Variants in ADCK1 observed in about 807,000 individuals in gnomAD.
ADCK1 encodes aarF domain-containing protein kinase 1.
A neutral mutation model predicts 52.3 loss-of-function variants in ADCK1; 41 were observed. The ratio of observed to expected loss-of-function variants is 0.78; its 90% CI spans 0.61 to 1.02. The LOEUF is 1.02. Ranked by LOEUF, ADCK1 falls within the 50% of genes least tolerant of loss-of-function variation. The probability of loss-of-function intolerance (pLI) is 0.00; values close to 1 mark genes in which losing one functional copy is unlikely to be tolerated. For missense variants in ADCK1, 658 were observed against 679.5 expected (o/e 0.97, Z 0.35); for synonymous variants, 250 against 274.6 (o/e 0.91, Z 0.89).
At chr14:77,836,186 C>T (rs1280167483) in intron 3 of ADCK1, among the ~76,000 whole-genome samples, 4 of 152,252 alleles carry the variant, frequency 2.6e-5, no homozygotes, top group Non-Finnish European at 5.9e-5. Context: ...TCTGACTCTT[C>T]TACCTTCCAT....
intron 3 of ADCK1, among the ~76,000 whole-genome samples, chr14:77,856,217 A>G (rs2082414335): frequency 6.6e-6 from 1 of 152,224 alleles, no homozygotes; most frequent in African/African-American, 2.4e-5. Context: ...GTCCAGAAAA[A>G]AGAAATTTGG....
At chr14:77,858,624 A>G (rs1220475623) in intron 3 of ADCK1, among the ~76,000 whole-genome samples, 1 of 152,166 alleles carries the variant, frequency 6.6e-6, no homozygotes, top group Non-Finnish European at 1.5e-5. Context: ...TGTGAAGATT[A>G]AAAGATACCA....
rs1233230529 is a variant in ADCK1 at position 77,813,292 on chromosome 14, G to C, written c.-11-5676G>C. ...ACTGGGATTATAGGCGTGAGCCACT[G>C]TGCTGGCCTTTTATTTTATTATTAT... is the stretch of plus-strand genomic sequence containing the variant. On this transcript the variant is annotated intron_variant, in intron 1 of 10. Transcript: ENST00000238561. Among the ~76,000 whole-genome samples, 3 of 151,542 alleles carry C rather than the reference G, an allele frequency of 2.0e-5. No homozygotes were observed. In the East Asian group the frequency reaches 5.8e-4, roughly 29 times the overall value.
intron 3 of ADCK1, among the ~76,000 whole-genome samples, chr14:77,856,771 C>T (rs550957663): frequency 2.6e-5 from 4 of 151,430 alleles, no homozygotes; most frequent in Non-Finnish European, 2.9e-5. Context: ...TGGGAGGCCA[C>T]GGCGAGTGGA....
intron 7 of ADCK1, among the ~76,000 whole-genome samples, chr14:77,911,893 A>G (rs1296215781): frequency 6.6e-6 from 1 of 152,114 alleles, no homozygotes; most frequent in Non-Finnish European, 1.5e-5. Flanking sequence ...GAGGTCACAA[A>G]TTTTAATTGT....
intron 3 of ADCK1, among the ~76,000 whole-genome samples, chr14:77,828,787 A>C (rs1277156660): frequency 6.6e-6 from 1 of 152,202 alleles, no homozygotes; most frequent in Non-Finnish European, 1.5e-5. Flanking sequence ...TCAGCCTCCC[A>C]AAGTGTTGGG....
rs765747369 is a variant in ADCK1, at chr14:77,933,223, CAA to C, written c.1405_1406del (p.Lys469GlufsTer28). On this transcript the variant is annotated frameshift_variant, in exon 11 of 11. Transcript: ENST00000238561. LOFTEE classifies it high-confidence loss of function. The stretch of plus-strand genomic sequence containing the variant: ...TTTTTTCTTTCCCTTTTTCCAGGCA[CAA>C]GAAGAAGAATACCTGTTCATTCTTC... ...RCCIRALAEH[K>X]KKNTCSFFRR... The C allele has an allele frequency of 1.9e-6, 3 of 1,612,074 alleles. No homozygotes were observed. The highest frequency in any genetic ancestry group is 2.7e-5 in the African/African-American group (2 of 74,856).
At chr14:77,855,641 G>T (rs1317822604) in intron 3 of ADCK1, among the ~76,000 whole-genome samples, 1 of 152,188 alleles carries the variant, frequency 6.6e-6, no homozygotes, top group African/African-American at 2.4e-5. Context: ...AGACCTTGCG[G>T]ACAGTGTGGG....
At chr14:77,903,111 A>G (rs2083584298) in intron 6 of ADCK1, among the ~76,000 whole-genome samples, 1 of 152,256 alleles carries the variant, frequency 6.6e-6, no homozygotes, top group Non-Finnish European at 1.5e-5. Flanking sequence ...AATAATAACA[A>G]TAACACACAT....
chr14:77,919,912 C>A (rs939258936), intron 7 of ADCK1, among the ~76,000 whole-genome samples: 7 of 152,156 alleles, frequency 4.6e-5, no homozygotes, highest in Admixed American at 2.0e-4. Context: ...ATGTCCTTAG[C>A]CCACTTTTTG....
At chr14:77,855,423 A>G (rs1198173620) in intron 3 of ADCK1, among the ~76,000 whole-genome samples, 1 of 152,208 alleles carries the variant, frequency 6.6e-6, no homozygotes, top group Non-Finnish European at 1.5e-5. Flanking sequence ...ACCAGCTTCT[A>G]TGTGGTGAAA....
intron 6 of ADCK1, among the ~76,000 whole-genome samples, chr14:77,905,556 T>A (rs2083647219): frequency 1.3e-5 from 2 of 151,980 alleles, no homozygotes; most frequent in South Asian, 4.2e-4. Context: ...ACCTCTTGTC[T>A]CCAGAGCCTT....
chr14:77,884,859 G>C (rs964758108), intron 4 of ADCK1, among the ~76,000 whole-genome samples: 1 of 152,204 alleles, frequency 6.6e-6, no homozygotes, highest in Non-Finnish European at 1.5e-5. Context: ...AGATATTCAG[G>C]GTCCTGATTG....
At chr14:77,921,326 C>CAA (rs756056466) in intron 7 of ADCK1, among the ~76,000 whole-genome samples, 3,665 of 41,078 alleles carry the variant, frequency 0.089, 473 homozygotes, top group Non-Finnish European at 0.14. Flanking sequence ...GACTCTGTCT[C>CAA]AAAAAAAAAA....
intron 3 of ADCK1, among the ~76,000 whole-genome samples, chr14:77,855,517 T>G (rs1160392949): frequency 3.9e-5 from 6 of 152,244 alleles, no homozygotes; most frequent in Non-Finnish European, 8.8e-5. Context: ...GGGTTCAGTC[T>G]GAGGTTAAAC....
intron 2 of ADCK1, among the ~76,000 whole-genome samples, chr14:77,822,055 G>T (rs2081594982): frequency 6.6e-6 from 1 of 152,178 alleles, no homozygotes; most frequent in Admixed American, 6.5e-5. Context: ...AGGTGCTGTG[G>T]TAAGTGATGG....
rs1313368201 is a variant in ADCK1 at position 77,923,256 on chromosome 14, G to C, written c.859-1201G>C. 2 of 152,328 alleles carry C rather than the reference G, an allele frequency of 1.3e-5. No homozygotes were observed. The highest frequency in any genetic ancestry group is 4.8e-5 in the African/African-American group (2 of 41,464). The allele number at this position is 152,328 out of a possible 1,614,324, so 9.4% of individuals were successfully genotyped here. ...TTCTTCAGAGAGGTGATGCTGATCT[G>C]GGATGGGAAGGAAGAGAGAGGGTAA... On this transcript the variant is annotated intron_variant, in intron 7 of 10. Transcript: ENST00000238561. This position sits in a 1 kb window ranked among gnomAD's most constrained non-coding sequence, Gnocchi z 4.3.
At chr14:77,835,142 T>C (rs1172141560) in intron 3 of ADCK1, among the ~76,000 whole-genome samples, 5 of 152,184 alleles carry the variant, frequency 3.3e-5, no homozygotes, top group Non-Finnish European at 7.4e-5. Flanking sequence ...CTGGAGTGCA[T>C]AGAAGTATCC....
chr14:77,880,997 A>G (rs2083009873), intron 4 of ADCK1, among the ~76,000 whole-genome samples: 1 of 152,234 alleles, frequency 6.6e-6, no homozygotes, highest in African/African-American at 2.4e-5. Flanking sequence ...TGAGATTCCA[A>G]GGCACCATCT....
Sources: gnomAD v4.1 joint callset for allele counts (sites outside exome capture counted in the v4.1 genomes callset) on GRCh38, gnomAD v4.1.1 for gene constraint, Gnocchi (gnomAD v3.1) non-coding constraint, MANE v1.5 for transcripts, NCBI Gene and HGNC (gene_info 2026-07-23, HGNC 2026-07-21) for gene names.